SUSD1: variants seen among roughly 807,000 people sequenced by gnomAD.
SUSD1 encodes sushi domain containing 1, also known as sushi domain-containing protein 1.
SUSD1 carries 65 observed loss-of-function variants against 86.9 expected under a neutral mutation model. That is an observed-to-expected ratio of 0.75 (90% CI 0.61 to 0.92). SUSD1 has a LOEUF of 0.92. Among genes scored for constraint, SUSD1 ranks in the 40% least tolerant of loss-of-function variants. SUSD1 has a pLI of 0.00. For synonymous variants in SUSD1, 346 were observed against 350.0 expected, an observed-to-expected ratio of 0.99 and a Z score of 0.13; for missense variants, 850 against 929.7, an observed-to-expected ratio of 0.91 and a Z score of 1.11.
At chr9:112,148,580 C>A (rs1457713777) in intron 3 of SUSD1, among the ~76,000 whole-genome samples, 1 of 152,118 alleles carries the variant, frequency 6.6e-6, no homozygotes, top group Non-Finnish European at 1.5e-5. Flanking sequence ...AGGAGGCACA[C>A]CATCTCCAGA....
intron 3 of SUSD1, among the ~76,000 whole-genome samples, chr9:112,144,459 A>G (rs898753659): frequency 1.3e-5 from 2 of 152,156 alleles, no homozygotes; most frequent in African/African-American, 2.4e-5. Flanking sequence ...TCCCAACCTC[A>G]TACTAAAACA....
chr9:112,156,598 T>A (rs1243315533), intron 2 of SUSD1, among the ~76,000 whole-genome samples: 1 of 152,170 alleles, frequency 6.6e-6, no homozygotes, highest in African/African-American at 2.4e-5. Context: ...TTTTTAGATA[T>A]GGGGGTCTCA....
At chr9:112,069,921 A>C (rs1829184084) in intron 12 of SUSD1, among the ~76,000 whole-genome samples, 1 of 152,098 alleles carries the variant, frequency 6.6e-6, no homozygotes, top group Non-Finnish European at 1.5e-5. Context: ...TGGTTCAATC[A>C]ACATGTGACT....
intron 13 of SUSD1, among the ~76,000 whole-genome samples, chr9:112,060,821 G>A (rs1241538749): frequency 6.6e-6 from 1 of 152,180 alleles, no homozygotes. Context: ...GCACCTCCAT[G>A]CGGTCCATAA....
At chr9:112,061,974 A>G (rs1358724541) in intron 13 of SUSD1, among the ~76,000 whole-genome samples, 1 of 152,174 alleles carries the variant, frequency 6.6e-6, no homozygotes, top group East Asian at 1.9e-4. Flanking sequence ...GACTGATGCT[A>G]CTTTCCTAAT....
intron 3 of SUSD1, among the ~76,000 whole-genome samples, chr9:112,147,640 G>A (rs1042145886): frequency 6.6e-5 from 10 of 152,092 alleles, no homozygotes; most frequent in East Asian, 3.9e-4. Context: ...GTGGCAGTGC[G>A]CACCTGTAGT....
At chr9:112,129,706 C>T (rs1205570935) in intron 5 of SUSD1, among the ~76,000 whole-genome samples, 7 of 152,168 alleles carry the variant, frequency 4.6e-5, no homozygotes. Context: ...GAATACATGC[C>T]TTCCCGAATA....
At chr9:112,060,226 A>G (rs1018981508) in intron 13 of SUSD1, among the ~76,000 whole-genome samples, 1 of 152,026 alleles carries the variant, frequency 6.6e-6, no homozygotes, top group African/African-American at 2.4e-5. Flanking sequence ...CAGGTTCCCA[A>G]ACATCCTAGG....
intron 1 of SUSD1, among the ~76,000 whole-genome samples, chr9:112,161,444 T>A (rs1355713587): frequency 6.6e-6 from 1 of 151,722 alleles, no homozygotes; most frequent in East Asian, 1.9e-4. Flanking sequence ...AAATAATGGA[T>A]CCTGGGTCAA....
intron 12 of SUSD1, among the ~76,000 whole-genome samples, chr9:112,076,975 T>C (rs908699834): frequency 1.3e-5 from 2 of 152,150 alleles, no homozygotes; most frequent in Non-Finnish European, 2.9e-5. Context: ...TGAGTGAAAG[T>C]GAGAACAGGA....
intron 2 of SUSD1, among the ~76,000 whole-genome samples, chr9:112,150,963 C>A (rs1332001596): frequency 6.6e-6 from 1 of 152,176 alleles, no homozygotes; most frequent in African/African-American, 2.4e-5. Flanking sequence ...GAGACAGGGT[C>A]TCCCTCTGTC....
chr9:112,133,732 A>C (rs1295717842), intron 5 of SUSD1, among the ~76,000 whole-genome samples: 2 of 152,222 alleles, frequency 1.3e-5, no homozygotes, highest in Non-Finnish European at 2.9e-5. Context: ...TAATTAAACT[A>C]AGGAGCCTCT....
chr9:112,048,975 G>A (rs1337484904), intron 15 of SUSD1, among the ~76,000 whole-genome samples: 1 of 152,216 alleles, frequency 6.6e-6, no homozygotes, highest in Non-Finnish European at 1.5e-5. Flanking sequence ...GGACTTGGAA[G>A]CCAAACTGAA....
intron 8 of SUSD1, chr9:112,103,093 T>G (rs1347235712): frequency 2.3e-6 from 1 of 438,500 alleles, no homozygotes; most frequent in Admixed American, 3.1e-5. Flanking sequence ...GAGAAAGGTG[T>G]AAATGTCTAC....
At chr9:112,170,066 A>G (rs1279867746) in intron 1 of SUSD1, among the ~76,000 whole-genome samples, 1 of 152,338 alleles carries the variant, frequency 6.6e-6, no homozygotes, top group East Asian at 1.9e-4. Context: ...TTTGAGCTAC[A>G]GAGACCTAGC....
At chr9:112,072,321 G>C (rs1174270168) in intron 12 of SUSD1, among the ~76,000 whole-genome samples, 1 of 151,454 alleles carries the variant, frequency 6.6e-6, no homozygotes, top group Non-Finnish European at 1.5e-5. Flanking sequence ...GCTAATTTTT[G>C]TATTTTTAGT....
At chr9:112,112,401 G>A (rs1589672581) in intron 7 of SUSD1, among the ~76,000 whole-genome samples, 1 of 152,266 alleles carries the variant, frequency 6.6e-6, no homozygotes, top group East Asian at 1.9e-4. Flanking sequence ...CTGGGAGGCC[G>A]AGGTAGGTGG....
intron 12 of SUSD1, among the ~76,000 whole-genome samples, chr9:112,068,120 G>A (rs570960545): frequency 4.6e-5 from 7 of 152,288 alleles, no homozygotes; most frequent in African/African-American, 1.7e-4. Flanking sequence ...AGCTTGGAGT[G>A]TAATCATGGA....
At chr9:112,148,345 G>A (rs1487336779) in intron 3 of SUSD1, among the ~76,000 whole-genome samples, 1 of 152,040 alleles carries the variant, frequency 6.6e-6, no homozygotes, top group Non-Finnish European at 1.5e-5. Context: ...CCCTGTATTC[G>A]ACCAGCCTAT....
Sources: gnomAD v4.1 joint callset for allele counts (sites outside exome capture counted in the v4.1 genomes callset) on GRCh38, gnomAD v4.1.1 for gene constraint, MANE v1.5 for transcripts, NCBI Gene and HGNC (gene_info 2026-07-23, HGNC 2026-07-21) for gene names.